CEP112: variants seen among roughly 807,000 people sequenced by gnomAD.
CEP112 encodes the protein centrosomal protein of 112 kDa.
Under a neutral mutation model 153.0 loss-of-function variants are expected in CEP112, and 127 were observed. The ratio of observed to expected loss-of-function variants is 0.83; its 90% CI spans 0.72 to 0.96. The LOEUF is 0.96. Ranked by LOEUF, CEP112 falls within the 40% of genes least tolerant of loss-of-function variation. The probability of loss-of-function intolerance (pLI) is 0.00; values close to 1 mark genes in which losing one functional copy is unlikely to be tolerated. For missense variants in CEP112, 1,089 were observed against 1,101.2 expected (o/e 0.99, Z 0.16); for synonymous variants, 358 against 374.4 (o/e 0.96, Z 0.51).
chr17:65,662,683 T>C (rs1461161138), intron 24 of CEP112, among the ~76,000 whole-genome samples: 1 of 152,190 alleles, frequency 6.6e-6, no homozygotes, highest in African/African-American at 2.4e-5. Flanking sequence ...GGGCCAGCTT[T>C]TTTCTTTACT....
intron 18 of CEP112, among the ~76,000 whole-genome samples, chr17:65,931,282 C>T (rs149242796): frequency 6.6e-6 from 1 of 152,334 alleles, no homozygotes; most frequent in Non-Finnish European, 1.5e-5. Context: ...TATTCCAGAA[C>T]ATAGGAGTGA....
intron 8 of CEP112, among the ~76,000 whole-genome samples, chr17:66,087,096 T>C: frequency 6.6e-6 from 1 of 152,216 alleles, no homozygotes. Flanking sequence ...TATGATTACA[T>C]GCAAACTTCT....
Position 65,635,947 on chromosome 17 carries a change from C to T in CEP112, c.*24G>A, listed in dbSNP as rs1416373166. On this transcript the variant is annotated 3_prime_UTR_variant, in exon 27 of 27. Transcript: ENST00000535342. ...AGTCCACAGCACAGCCTGGAAATTG[C>T]ATCCGTTGCATTCTCTCGTGCAGTT... 1.9e-6 allele frequency: 3 copies of T among 1,597,938 alleles called. No homozygotes were observed.
chr17:65,990,672 T>TG (rs763023952), intron 17 of CEP112, among the ~76,000 whole-genome samples: 2 of 152,244 alleles, frequency 1.3e-5, no homozygotes, highest in Non-Finnish European at 2.9e-5. Flanking sequence ...TGGAGTGCTC[T>TG]GGGACCTTAA....
chr17:66,006,141 G>A (rs1348901017), intron 16 of CEP112, among the ~76,000 whole-genome samples: 1 of 152,006 alleles, frequency 6.6e-6, no homozygotes, highest in African/African-American at 2.4e-5. Context: ...ACACATAATG[G>A]TTATGATGAA....
At chr17:65,814,508 G>C (rs2056159561) in intron 21 of CEP112, among the ~76,000 whole-genome samples, 1 of 152,184 alleles carries the variant, frequency 6.6e-6, no homozygotes, top group Non-Finnish European at 1.5e-5. Flanking sequence ...GATGTAGTGA[G>C]GAGACAATAA....
chr17:65,977,627 T>C (rs2145089772), intron 17 of CEP112, among the ~76,000 whole-genome samples: 1 of 152,254 alleles, frequency 6.6e-6, no homozygotes, highest in Middle Eastern at 3.4e-3. Flanking sequence ...GCAGGGCAGA[T>C]TCCCCAATGT....
intron 23 of CEP112, among the ~76,000 whole-genome samples, chr17:65,701,997 T>C (rs1418170026): frequency 6.8e-6 from 1 of 146,418 alleles, no homozygotes; most frequent in African/African-American, 2.5e-5. Flanking sequence ...TGCCTCAGCC[T>C]CCTGAGTAGC....
At chr17:65,707,709 A>G (rs2048986961) in intron 23 of CEP112, among the ~76,000 whole-genome samples, 1 of 152,146 alleles carries the variant, frequency 6.6e-6, no homozygotes, top group Non-Finnish European at 1.5e-5. Flanking sequence ...ACGTATAAGC[A>G]TTTTCTTGTC....
chr17:65,760,564 T>G (rs778454728), intron 21 of CEP112, among the ~76,000 whole-genome samples: 1 of 152,190 alleles, frequency 6.6e-6, no homozygotes. Flanking sequence ...GATTTTCAAA[T>G]GTTGAGACAG....
intron 20 of CEP112, among the ~76,000 whole-genome samples, chr17:65,855,262 C>T (rs2058087305): frequency 6.6e-6 from 1 of 152,162 alleles, no homozygotes; most frequent in South Asian, 2.1e-4. Flanking sequence ...ATATCTGTTC[C>T]ATTACCATGT....
At chr17:65,870,411 T>A (rs977219070) in intron 20 of CEP112, among the ~76,000 whole-genome samples, 3 of 152,238 alleles carry the variant, frequency 2.0e-5, no homozygotes, top group African/African-American at 7.2e-5. Flanking sequence ...AGCACATTGA[T>A]CTATTTTGGA....
rs1374539935 is a variant in CEP112, at chr17:66,019,244, CT to C, written c.1656+8256del. ...GTCATTCAGATGGCATTTCCTCCCC[CT>C]GAAGAGATATTTAGAACTAAGTTTT... On this transcript the variant is annotated intron_variant, in intron 16 of 26. Coordinates refer to ENST00000535342, the MANE Select transcript of CEP112 (RefSeq NM_001199165.4). Among the ~76,000 whole-genome samples the C allele has an allele frequency of 2.0e-5, 3 of 152,116 alleles. No homozygotes were observed. The South Asian group carries it at 6.2e-4, about 32-fold the overall frequency.
At position 65,970,468 on chromosome 17, in the gene CEP112, GCAT is replaced by G. The variant is rs2062679193; in HGVS notation, c.1737-8873_1737-8871del. On this transcript the variant is annotated intron_variant, in intron 17 of 26. Coordinates refer to ENST00000535342, the MANE Select transcript of CEP112 (RefSeq NM_001199165.4). ...ATGTATATTACATGCATGCACACAT[GCAT>G]GTATATTACATGCATGCACACTACA... 2.3e-5 allele frequency among the ~76,000 whole-genome samples: 3 copies of G among 129,688 alleles called. No homozygotes were observed. In the South Asian group the frequency reaches 7.6e-4, roughly 33 times the overall value. The allele number at this position is 129,688 out of a possible 152,430, so 85.1% of individuals were successfully genotyped here.
intron 24 of CEP112, among the ~76,000 whole-genome samples, chr17:65,669,747 C>CA (rs370731672): frequency 2.6e-5 from 4 of 151,880 alleles, no homozygotes; most frequent in South Asian, 4.2e-4. Context: ...ACTAAAAATA[C>CA]AAAAAATTAT....
intron 17 of CEP112, among the ~76,000 whole-genome samples, chr17:65,971,510 G>T (rs750151757): frequency 6.7e-6 from 1 of 149,702 alleles, no homozygotes; most frequent in Non-Finnish European, 1.5e-5. Context: ...TATCACACAT[G>T]CACATTACAT....
chr17:65,890,013 G>GTA (rs929815603), intron 20 of CEP112, among the ~76,000 whole-genome samples: 1 of 151,980 alleles, frequency 6.6e-6, no homozygotes, highest in Admixed American at 6.6e-5. Context: ...TACAGTGCGC[G>GTA]TATATATATA....
chr17:65,969,780 CAT>C (rs1408547846), intron 17 of CEP112, among the ~76,000 whole-genome samples: 3 of 152,144 alleles, frequency 2.0e-5, no homozygotes, highest in African/African-American at 7.2e-5. Flanking sequence ...CACATAGATG[CAT>C]ATTACATGCA....
At chr17:66,043,666 G>C (rs988826373) in intron 12 of CEP112, among the ~76,000 whole-genome samples, 1 of 152,076 alleles carries the variant, frequency 6.6e-6, no homozygotes, top group South Asian at 2.1e-4. Flanking sequence ...CAAGCATCTA[G>C]CAAGGAAGCT....
Sources: allele counts gnomAD v4.1 joint callset (sites outside exome capture counted in the v4.1 genomes callset), GRCh38; gene constraint gnomAD v4.1.1; transcripts MANE v1.5; gene names NCBI Gene and HGNC (gene_info 2026-07-23, HGNC 2026-07-21).